The following CDH13 variants were observed in gnomAD, a reference collection of about 807,000 sequenced individuals.
CDH13 encodes cadherin-13.
CDH13 carries 24 observed loss-of-function variants against 63.8 expected under a neutral mutation model. The observed-to-expected ratio is 0.38, with a 90% CI of 0.27 to 0.53. CDH13 has a LOEUF of 0.53. CDH13 is among the 20% of genes least tolerant of loss of function. The probability of loss-of-function intolerance (pLI) is 0.85; values close to 1 mark genes in which losing one functional copy is unlikely to be tolerated. For missense variants in CDH13, 1,049 were observed against 903.1 expected, an observed-to-expected ratio of 1.16 and a Z score of -2.07; for synonymous variants, 503 against 355.3, an observed-to-expected ratio of 1.42 and a Z score of -4.67.
At chr16:82,997,739 A>G (rs1050912434) in intron 2 of CDH13, among the ~76,000 whole-genome samples, 1 of 152,192 alleles carries the variant, frequency 6.6e-6, no homozygotes, top group Non-Finnish European at 1.5e-5. Flanking sequence ...TATATCTAAC[A>G]TAGAAGTTCA....
chr16:83,201,756 A>C (rs944173232), intron 4 of CDH13, among the ~76,000 whole-genome samples: 3 of 151,782 alleles, frequency 2.0e-5, no homozygotes, highest in African/African-American at 4.8e-5. Context: ...AAAAAAAAAA[A>C]AACACAAAAA....
intron 2 of CDH13, among the ~76,000 whole-genome samples, chr16:82,906,173 A>T (rs8045708): frequency 0.31 from 47,485 of 152,038 alleles, 7,901 homozygotes; most frequent in Non-Finnish European, 0.37. Flanking sequence ...CTTAATGAAG[A>T]TGGAGAAGTT....
At chr16:83,417,900 A>G (rs1314976236) in intron 6 of CDH13, among the ~76,000 whole-genome samples, 1 of 152,264 alleles carries the variant, frequency 6.6e-6, no homozygotes, top group South Asian at 2.1e-4. Context: ...GAGAGAGAGA[A>G]AGAGAAATCA....
At chr16:83,772,540 G>C (rs1309180172) in intron 11 of CDH13, among the ~76,000 whole-genome samples, 1 of 152,226 alleles carries the variant, frequency 6.6e-6, no homozygotes, top group Non-Finnish European at 1.5e-5. Context: ...AAGAAACTCT[G>C]ACCATAAAGA....
At chr16:83,764,409 A>G (rs1365264353) in intron 11 of CDH13, among the ~76,000 whole-genome samples, 1 of 152,198 alleles carries the variant, frequency 6.6e-6, no homozygotes, top group Non-Finnish European at 1.5e-5. Flanking sequence ...ACTATCTTAA[A>G]CAGAACATTT....
chr16:82,949,143 A>G (rs1474847410), intron 2 of CDH13, among the ~76,000 whole-genome samples: 1 of 152,282 alleles, frequency 6.6e-6, no homozygotes, highest in East Asian at 1.9e-4. Flanking sequence ...AACAGAAACT[A>G]CTTGTCTCAT....
intron 7 of CDH13, among the ~76,000 whole-genome samples, chr16:83,547,290 T>A (rs2150663938): frequency 6.6e-6 from 1 of 152,336 alleles, no homozygotes; most frequent in Non-Finnish European, 1.5e-5. Flanking sequence ...GATAAGTGGC[T>A]GTTGTTGTTT....
intron 1 of CDH13, among the ~76,000 whole-genome samples, chr16:82,772,907 T>G (rs1278374250): frequency 6.6e-6 from 1 of 152,182 alleles, no homozygotes; most frequent in East Asian, 1.9e-4. Context: ...CATAGGTTGC[T>G]TCAGTGGCCA....
At chr16:82,821,349 A>T (rs2151095730) in intron 1 of CDH13, among the ~76,000 whole-genome samples, 1 of 152,362 alleles carries the variant, frequency 6.6e-6, no homozygotes. Context: ...GGCTATTTTT[A>T]AAATTTATAC....
At chr16:82,888,752 C>T (rs1464157911) in intron 2 of CDH13, among the ~76,000 whole-genome samples, 5 of 152,132 alleles carry the variant, frequency 3.3e-5, no homozygotes, top group Non-Finnish European at 7.3e-5. Context: ...ATTTAGCTGC[C>T]CCTAAGTGTA....
intron 1 of CDH13, among the ~76,000 whole-genome samples, chr16:82,851,844 T>A (rs1003533239): frequency 2.0e-5 from 3 of 152,176 alleles, no homozygotes; most frequent in African/African-American, 7.2e-5. Flanking sequence ...TATTTTTACA[T>A]CCTGCAAGTC....
At chr16:83,394,388 C>T (rs1435870880) in intron 6 of CDH13, among the ~76,000 whole-genome samples, 2 of 152,068 alleles carry the variant, frequency 1.3e-5, no homozygotes, top group Non-Finnish European at 2.9e-5. Flanking sequence ...GAGAGTGAGC[C>T]ACGTGGATAA....
intron 1 of CDH13, among the ~76,000 whole-genome samples, chr16:82,854,869 T>C (rs1284534341): frequency 6.6e-6 from 1 of 152,206 alleles, no homozygotes; most frequent in African/African-American, 2.4e-5. Context: ...TAATTATATT[T>C]AACAATTATT....
intron 5 of CDH13, among the ~76,000 whole-genome samples, chr16:83,340,937 A>G (rs2090708278): frequency 6.6e-6 from 1 of 152,174 alleles, no homozygotes; most frequent in Non-Finnish European, 1.5e-5. Context: ...ATCTAAGAAT[A>G]GAAATCCTCA....
intron 2 of CDH13, among the ~76,000 whole-genome samples, chr16:82,883,185 G>C (rs540076294): frequency 6.6e-6 from 1 of 152,210 alleles, no homozygotes; most frequent in African/African-American, 2.4e-5. Context: ...TGCCAGTTCC[G>C]TTGTGGAAAA....
intron 6 of CDH13, among the ~76,000 whole-genome samples, chr16:83,458,838 A>ATTTC (rs1383766435): frequency 6.6e-6 from 1 of 152,248 alleles, no homozygotes; most frequent in African/African-American, 2.4e-5. Flanking sequence ...GACTCAACCC[A>ATTTC]AGTCTGATGA....
chr16:83,316,130 A>T (rs1288500300), intron 5 of CDH13, among the ~76,000 whole-genome samples: 2 of 152,084 alleles, frequency 1.3e-5, no homozygotes, highest in Non-Finnish European at 2.9e-5. Context: ...CCCCTGATAA[A>T]GCCATCAGAT....
At chr16:83,356,087 C>G (rs1197408697) in intron 6 of CDH13, among the ~76,000 whole-genome samples, 1 of 152,112 alleles carries the variant, frequency 6.6e-6, no homozygotes, top group Non-Finnish European at 1.5e-5. Context: ...CATTTCATCC[C>G]CATCCACAAC....
rs74837370 is a variant in CDH13 at position 83,702,763 on chromosome 16, G to T, written c.1538+24302G>T. Among the ~76,000 whole-genome samples the T allele has an allele frequency of 5.1e-3, 782 of 152,288 alleles. 7 individuals are homozygous for T. Among genetic ancestry groups the T allele is most frequent in the African/African-American group, 0.018 (746 of 41,560 alleles). ...CCAGAGCTGAGCAGGTGGCACTGTGGGGAGGGGCTTTCCAAGCACAGATGA... is the reference window on the plus strand; with the variant it reads ...CCAGAGCTGAGCAGGTGGCACTGTGTGGAGGGGCTTTCCAAGCACAGATGA... On this transcript the variant is annotated intron_variant, in intron 10 of 13. Transcript: ENST00000567109.
Sources: gnomAD v4.1 joint callset for allele counts (sites outside exome capture counted in the v4.1 genomes callset) on GRCh38, gnomAD v4.1.1 for gene constraint, MANE v1.5 for transcripts, NCBI Gene and HGNC (gene_info 2026-07-23, HGNC 2026-07-21) for gene names.